The following RABGAP1L variants were observed in gnomAD, a reference collection of about 807,000 sequenced individuals.
The protein encoded by RABGAP1L is RAB GTPase activating protein 1 like, also known as rab GTPase-activating protein 1-like.
Under a neutral mutation model 137.7 loss-of-function variants are expected in RABGAP1L, and 63 were observed. That is an observed-to-expected ratio of 0.46 (90% CI 0.37 to 0.56). The LOEUF (loss-of-function observed/expected upper bound fraction) is 0.56. Ranked by LOEUF, RABGAP1L falls within the 20% of genes least tolerant of loss-of-function variation. The pLI, the probability that RABGAP1L is intolerant of heterozygous loss-of-function variation, is 0.00. For missense variants in RABGAP1L, 1,095 were observed against 1,244.0 expected, an observed-to-expected ratio of 0.88 and a Z score of 1.80; for synonymous variants, 431 against 433.7, an observed-to-expected ratio of 0.99 and a Z score of 0.08.
intron 21 of RABGAP1L, among the ~76,000 whole-genome samples, 187 bp downstream of exon 21, chr1:174,969,574 A>G (rs1669955704): frequency 6.6e-6 from 1 of 152,216 alleles, no homozygotes; most frequent in Non-Finnish European, 1.5e-5. Context: ...GTCATTTCTA[A>G]ATAGCATGTG....
chr1:174,295,422 C>T (rs998572527), intron 10 of RABGAP1L, among the ~76,000 whole-genome samples: 1 of 151,764 alleles, frequency 6.6e-6, no homozygotes, highest in Admixed American at 6.6e-5. Context: ...CTCACTCTGT[C>T]ACCCAGGTCA....
In RABGAP1L at chr1:174,859,609, G is replaced by A. The variant is rs189199821; in HGVS notation, c.2340+47649G>A. 1.6e-3 allele frequency among the ~76,000 whole-genome samples: 241 copies of A among 152,088 alleles called. 3 individuals carry two copies. The highest frequency in any genetic ancestry group is 5.3e-3 in the African/African-American group (220 of 41,460). On this transcript the variant is annotated intron_variant, in intron 19 of 25. Coordinates refer to ENST00000681986, the MANE Select transcript of RABGAP1L (RefSeq NM_001366446.1). The stretch of plus-strand genomic sequence containing the variant: ...CCATTATCCTTAACAAACTAACACC[G>A]AATACTGTGTGTTCTCACTTACAAG...
At chr1:174,678,815 A>G (rs992569713) in intron 14 of RABGAP1L, among the ~76,000 whole-genome samples, 15 of 152,192 alleles carry the variant, frequency 9.9e-5, no homozygotes, top group Non-Finnish European at 2.9e-5. Context: ...CACAGGAACA[A>G]TGGCGAGCCT....
intron 11 of RABGAP1L, among the ~76,000 whole-genome samples, chr1:174,332,419 C>T (rs570201487): frequency 5.4e-5 from 8 of 149,448 alleles, no homozygotes; most frequent in African/African-American, 2.0e-4. Context: ...TTTTTTGAGA[C>T]GGAGTCTCAC....
At chr1:174,760,949 G>A (rs2148702018) in intron 18 of RABGAP1L, among the ~76,000 whole-genome samples, 1 of 152,308 alleles carries the variant, frequency 6.6e-6, no homozygotes, top group South Asian at 2.1e-4. Flanking sequence ...AGAAATGAGT[G>A]AACTAAAGTA....
intron 13 of RABGAP1L, among the ~76,000 whole-genome samples, chr1:174,468,509 T>G (rs1657548848): frequency 6.6e-6 from 1 of 152,208 alleles, no homozygotes. Context: ...TTATAGTTAT[T>G]ATGCACTTCA....
At chr1:174,516,393 T>G (rs1280490394) in intron 13 of RABGAP1L, among the ~76,000 whole-genome samples, 4 of 152,138 alleles carry the variant, frequency 2.6e-5, no homozygotes, top group Non-Finnish European at 5.9e-5. Context: ...AATTTTTGAA[T>G]TTTTTGTAGA....
chr1:174,400,140 A>T (rs1318284041), intron 13 of RABGAP1L, among the ~76,000 whole-genome samples: 1 of 152,222 alleles, frequency 6.6e-6, no homozygotes, highest in Non-Finnish European at 1.5e-5. Flanking sequence ...GGCTATCAAT[A>T]CATCAAAGAA....
chr1:174,269,498 A>G (rs940149165), intron 7 of RABGAP1L, among the ~76,000 whole-genome samples: 41 of 152,314 alleles, frequency 2.7e-4, no homozygotes, highest in African/African-American at 8.7e-4. Flanking sequence ...GGGCAAAACC[A>G]TTGTTTTTGA....
intron 11 of RABGAP1L, among the ~76,000 whole-genome samples, chr1:174,347,935 TG>T (rs1682602393): frequency 1.3e-5 from 2 of 152,300 alleles, no homozygotes; most frequent in Admixed American, 6.5e-5. Flanking sequence ...AACAGATCAT[TG>T]GGTCTTATTT....
intron 4 of RABGAP1L, among the ~76,000 whole-genome samples, chr1:174,238,063 C>T (rs1415730064): frequency 1.3e-5 from 2 of 152,054 alleles, no homozygotes; most frequent in South Asian, 2.1e-4. Flanking sequence ...TTGATCGCAT[C>T]GGCTCCTGAG....
chr1:174,316,017 A>G (rs1024078392), intron 11 of RABGAP1L, among the ~76,000 whole-genome samples: 3 of 152,066 alleles, frequency 2.0e-5, no homozygotes, highest in Non-Finnish European at 2.9e-5. Flanking sequence ...CAATTTTGCT[A>G]TTAAAGGACT....
At chr1:174,479,887 A>ACT (rs544046394) in intron 13 of RABGAP1L, among the ~76,000 whole-genome samples, 11 of 151,584 alleles carry the variant, frequency 7.3e-5, no homozygotes, top group African/African-American at 1.5e-4. Context: ...TAGGATATTT[A>ACT]CTCTCTCTCT....
Position 174,543,413 on chromosome 1 carries a change from C to T in RABGAP1L, c.1711-93962C>T, listed in dbSNP as rs141448565. Among the ~76,000 whole-genome samples, 1,185 of 150,482 alleles carry T rather than the reference C, an allele frequency of 7.9e-3. 10 individuals carry two copies. Among genetic ancestry groups the T allele is most frequent in the Non-Finnish European group, 0.013 (876 of 66,822 alleles). On this transcript the variant is annotated intron_variant, in intron 13 of 25. Coordinates refer to ENST00000681986, the MANE Select transcript of RABGAP1L (RefSeq NM_001366446.1). ...TCTGTTTTATCAGAGACTAGGATTG[C>T]AACCCCTGCTTTTTTTTGTTTTCCA...
chr1:174,445,719 A>G (rs1446129449), intron 13 of RABGAP1L, among the ~76,000 whole-genome samples: 7 of 152,188 alleles, frequency 4.6e-5, no homozygotes, highest in African/African-American at 7.2e-5. Context: ...TTTTCTGCCA[A>G]TGAGCATTAG....
At chr1:174,780,493 C>G (rs1043074555) in intron 18 of RABGAP1L, among the ~76,000 whole-genome samples, 6 of 152,124 alleles carry the variant, frequency 3.9e-5, no homozygotes, top group Non-Finnish European at 8.8e-5. Flanking sequence ...TTTACATTAT[C>G]ATCCTAAATA....
In RABGAP1L at chr1:174,368,473, A is replaced by G. The variant is rs368403970; in HGVS notation, c.1466-2506A>G. 4.6e-5 allele frequency among the ~76,000 whole-genome samples: 7 copies of G among 152,236 alleles called. No homozygotes were observed. In the South Asian group the frequency reaches 1.0e-3, roughly 23 times the overall value. ...GCTTTTAGGAAAACTAGGTATTATC[A>G]ATTTTTATACTCTCTGTCAATGTAA... On this transcript the variant is annotated intron_variant, in intron 11 of 25. Coordinates refer to ENST00000681986, the MANE Select transcript of RABGAP1L (RefSeq NM_001366446.1).
intron 13 of RABGAP1L, among the ~76,000 whole-genome samples, chr1:174,596,217 G>T: frequency 1.1e-5 from 1 of 88,642 alleles, no homozygotes; most frequent in South Asian, 3.2e-4. Context: ...TTCGGCTCGC[G>T]CACGGTGCAC....
chr1:174,257,325 C>T (rs1673218226), intron 7 of RABGAP1L, among the ~76,000 whole-genome samples: 1 of 152,206 alleles, frequency 6.6e-6, no homozygotes, highest in Non-Finnish European at 1.5e-5. Context: ...TATGCCTGAA[C>T]TGTGCCTAAA....
Sources: allele counts gnomAD v4.1 joint callset (sites outside exome capture counted in the v4.1 genomes callset), GRCh38; gene constraint gnomAD v4.1.1; transcripts MANE v1.5; gene names NCBI Gene and HGNC (gene_info 2026-07-23, HGNC 2026-07-21).